Variants in WDR62 observed in about 807,000 individuals in gnomAD.
WDR62 encodes WD repeat-containing protein 62.
In WDR62, 112 loss-of-function variants were observed where a neutral mutation model predicts 160.6. The ratio of observed to expected loss-of-function variants is 0.70; its 90% CI spans 0.60 to 0.82. The LOEUF (loss-of-function observed/expected upper bound fraction) is 0.82, where lower values mean the gene tolerates loss of function less well. WDR62 is among the 40% of genes least tolerant of loss of function. The pLI is 0.00. For synonymous variants in WDR62, 792 were observed against 815.1 expected, an observed-to-expected ratio of 0.97 and a Z score of 0.48; for missense variants, 1,819 against 1,983.8, an observed-to-expected ratio of 0.92 and a Z score of 1.58.
At position 36,101,742 on chromosome 19, in the gene WDR62, C is replaced by G. The variant is rs1458480400; in HGVS notation, c.3050C>G (p.Pro1017Arg). Residue 1017 changes from proline to arginine, a missense_variant, in exon 25 of 32, where the codon CCT becomes CGT. Pro to Arg is a moderately radical substitution (Grantham distance 103). Around this residue, in one of 3 missense-constraint regions of WDR62, gnomAD observed 770 missense variants for 734.2 expected, o/e 1.05. Transcript: ENST00000401500. ...CCAGCTCCGCCTCCTGACCCTGCCC[C>G]TCGGTTTGCCACGTCGCTGCCCCAT... Reference protein sequence around the residue: ...HSPAPPPDPAPRFATSLPHFP... With the variant: ...HSPAPPPDPARRFATSLPHFP... 10 of 1,552,010 alleles carry G rather than the reference C, an allele frequency of 6.4e-6. No homozygotes were observed. Among genetic ancestry groups the G allele is most frequent in the Middle Eastern group, 1.7e-4 (1 of 5,980 alleles).
chr19:36,102,168 C>T lies in WDR62; in HGVS notation c.3220+17C>T, dbSNP rs942313436. On this transcript the variant is annotated intron_variant, in intron 26 of 31. Coordinates refer to ENST00000401500, the MANE Select transcript of WDR62 (RefSeq NM_001083961.2). ...CCTGCAGAGGTAGGGCCCTGCCTCA[C>T]CCACACCTGCCGAGGCCGTCTGTGC... 2.9e-5 allele frequency: 46 copies of T among 1,613,542 alleles called. No homozygotes were observed. The highest frequency in any genetic ancestry group is 3.6e-5 in the Non-Finnish European group (43 of 1,180,024).
chr19:36,081,755 C>G, intron 10 of WDR62, 185 bp downstream of exon 10: 2 of 764,214 alleles, frequency 2.6e-6, no homozygotes, highest in Non-Finnish European at 4.5e-6. Context: ...TGCCCCCTCT[C>G]TGAGGTGGCA....
chr19:36,083,185 G>A lies in WDR62; in HGVS notation c.1494G>A (p.Met498Ile). The A allele has an allele frequency of 6.2e-7, 1 of 1,611,716 alleles. No individual in the cohort carries two copies. The highest frequency in any genetic ancestry group is 8.5e-7 in the Non-Finnish European group (1 of 1,178,842). ...ACGTGAAAGCCGGGGTGCGGGTCAT[G>A]CAGGTCAGTCCTGACGGCCAGCATT... Reference protein sequence around the residue: ...PMDVKAGVRVMQVSPDGQHLA... With the variant: ...PMDVKAGVRVIQVSPDGQHLA... The change falls in exon 11 of 32, where the codon ATG (methionine) becomes ATA (isoleucine). Residue 498 changes from methionine (M) to isoleucine (I), a missense_variant. Met to Ile is a conservative substitution (Grantham distance 10). Coordinates refer to ENST00000401500, the MANE Select transcript of WDR62 (RefSeq NM_001083961.2).
intron 18 of WDR62, among the ~76,000 whole-genome samples, chr19:36,091,877 G>A (rs529170327): frequency 2.3e-3 from 335 of 147,994 alleles, no homozygotes; most frequent in Non-Finnish European, 3.9e-3. Context: ...GCAAGACCCC[G>A]TCTCAAAAAA....
At chr19:36,059,492 G>A (rs1310310346) in intron 2 of WDR62, among the ~76,000 whole-genome samples, 2 of 152,102 alleles carry the variant, frequency 1.3e-5, no homozygotes, top group African/African-American at 4.8e-5. Flanking sequence ...AGGCTAGAAT[G>A]CAATAGTGTG....
At chr19:36,106,617 G>A (rs752963859), downstream of WDR62, among the ~76,000 whole-genome samples, 21 of 152,182 alleles carry the variant, frequency 1.4e-4, no homozygotes, top group African/African-American at 4.3e-4. Context: ...CATCCAGGCC[G>A]ACAGCACAGC....
At position 36,092,520 on chromosome 19, in the gene WDR62, GA is replaced by G. The variant is rs59690923; in HGVS notation, c.2211-168del. Among the ~76,000 whole-genome samples, 20,989 of 152,096 alleles carry G rather than the reference GA, an allele frequency of 0.14. 1,781 individuals are homozygous for G. The highest frequency in any genetic ancestry group is 0.24 in the Middle Eastern group (71 of 292). On this transcript the variant is annotated intron_variant, in intron 18 of 31. Coordinates refer to ENST00000401500, the MANE Select transcript of WDR62 (RefSeq NM_001083961.2). ...GCCCCAGACCTGGGCCCAGGGTGTG[GA>G]TGTGGCAAGTCCAGCACCCCTGCAC... is the stretch of plus-strand genomic sequence containing the variant.
At chr19:36,076,827 C>G (rs574712294) in intron 9 of WDR62, among the ~76,000 whole-genome samples, 2 of 152,198 alleles carry the variant, frequency 1.3e-5, no homozygotes, top group Non-Finnish European at 2.9e-5. Context: ...TGCATATGTT[C>G]TCTCTGTTCT....
intron 23 of WDR62, among the ~76,000 whole-genome samples, 161 bp downstream of exon 23, chr19:36,101,036 G>GT (rs1422435974): frequency 6.6e-6 from 1 of 152,196 alleles, no homozygotes; most frequent in Non-Finnish European, 1.5e-5. Flanking sequence ...CTGGTTCCAG[G>GT]TGGGGTACAG....
At position 36,091,485 on chromosome 19, in the gene WDR62, G is replaced by GAC; in HGVS notation, c.2210+21_2210+22insCA. On this transcript the variant is annotated intron_variant, in intron 18 of 31. Transcript: ENST00000401500. The stretch of plus-strand genomic sequence containing the variant: ...AGACAGGTGGGACATGGACCTTTGG[G>GAC]AGAGTTGTGGCTCAGATACCATGAG... The GAC allele has an allele frequency of 7.4e-6, 12 of 1,612,924 alleles. No individual in the cohort carries two copies. The highest frequency in any genetic ancestry group is 1.0e-5 in the Non-Finnish European group (12 of 1,179,032).
chr19:36,083,322 C>T (rs936697131), intron 11 of WDR62, 81 bp downstream of exon 11: 28 of 1,377,602 alleles, frequency 2.0e-5, no homozygotes, highest in Non-Finnish European at 2.6e-5. Context: ...AAGCCCTGGC[C>T]TTGGCACCTC....
chr19:36,083,281 CTCCAGCTCAGG>C lies in WDR62; in HGVS notation c.1550+42_1550+52del, dbSNP rs778463989. 15 of 1,559,654 alleles carry C rather than the reference CTCCAGCTCAGG, an allele frequency of 9.6e-6. No homozygotes were observed. In the African/African-American group the frequency reaches 2.0e-4, roughly 21 times the overall value. On this transcript the variant is annotated intron_variant, in intron 11 of 31. Transcript: ENST00000401500. The stretch of plus-strand genomic sequence containing the variant: ...GCAGTGTCCAGTGTACACCTCCCAG[CTCCAGCTCAGG>C]TTCTCAGGGCAGTGGGCAGAAGCCC...
downstream of WDR62, among the ~76,000 whole-genome samples, chr19:36,107,230 C>T (rs1973732783): frequency 6.6e-6 from 1 of 152,186 alleles, no homozygotes; most frequent in East Asian, 1.9e-4. Flanking sequence ...AGCTTATGGC[C>T]TCATGGTTGC....
At chr19:36,076,227 A>G (rs889536983) in intron 9 of WDR62, among the ~76,000 whole-genome samples, 2 of 151,412 alleles carry the variant, frequency 1.3e-5, no homozygotes, top group Non-Finnish European at 2.9e-5. Context: ...ATTTCCTGTC[A>G]CACATCAGGA....
In WDR62 at chr19:36,099,407, C is replaced by T. The variant is rs144697999; in HGVS notation, c.2529C>T (p.Asp843=). The T allele has an allele frequency of 6.3e-4, 1,012 of 1,613,460 alleles. 3 individuals carry two copies. The Middle Eastern group carries it at 8.3e-3, about 13-fold the overall frequency. The change falls in exon 22 of 32, where the codon GAC becomes GAT. Residue 843 remains aspartate (D), a synonymous_variant. Coordinates refer to ENST00000401500, the MANE Select transcript of WDR62 (RefSeq NM_001083961.2). ...GTCCGATATCCTTCAAGCTAGGGGA[C>T]GATGATGTGGCAGATGGCTTGGCCT... is the stretch of plus-strand genomic sequence containing the variant. ...LPLWAKRLLG[D]DDVADGLAFH...
Position 36,104,577 on chromosome 19 carries a change from G to A in WDR62, c.4213G>A (p.Glu1405Lys), listed in dbSNP as rs1422383919. 2 of 1,614,046 alleles carry A rather than the reference G, an allele frequency of 1.2e-6. No individual in the cohort carries two copies. Among genetic ancestry groups the A allele is most frequent in the Non-Finnish European group, 1.7e-6 (2 of 1,180,034 alleles). ...ARWSEPWVPVEALPPSPLELS... is the reference protein window; with the variant it reads ...ARWSEPWVPVKALPPSPLELS... ...CTGGAGTGAGCCCTGGGTGCCGGTTGAAGCCCTGCCCCCATCTCCCCTTGA... is the reference window on the plus strand; with the variant it reads ...CTGGAGTGAGCCCTGGGTGCCGGTTAAAGCCCTGCCCCCATCTCCCCTTGA... The change falls in exon 31 of 32, where the codon GAA (glutamate) becomes AAA (lysine). Residue 1405 changes from glutamate (E) to lysine (K), a missense_variant. By Grantham distance (56) the Glu-to-Lys change is moderately conservative. Around this residue, in one of 3 missense-constraint regions of WDR62, gnomAD observed 770 missense variants for 734.2 expected, o/e 1.05. Transcript: ENST00000401500.
chr19:36,067,582 T>A, intron 6 of WDR62, 139 bp downstream of exon 6: 1 of 1,319,794 alleles, frequency 7.6e-7, no homozygotes, highest in Admixed American at 1.8e-5. Context: ...CTGCTGCTTC[T>A]GGGCCTACTC....
chr19:36,085,526 T>C (rs936206370), intron 12 of WDR62, among the ~76,000 whole-genome samples: 1 of 149,384 alleles, frequency 6.7e-6, no homozygotes, highest in African/African-American at 2.5e-5. Context: ...GTTGAAGCGA[T>C]TCCCCTGCGT....
chr19:36,065,832 A>G, intron 3 of WDR62, 126 bp from the exon 4 acceptor site: 3 of 912,982 alleles, frequency 3.3e-6, no homozygotes. Flanking sequence ...GCTTGAGCTC[A>G]CCTCTGCTGG....
Sources: allele counts gnomAD v4.1 joint callset (sites outside exome capture counted in the v4.1 genomes callset), GRCh38; gene constraint gnomAD v4.1.1; regional missense constraint gnomAD v4.1.1; transcripts MANE v1.5; gene names NCBI Gene and HGNC (gene_info 2026-07-23, HGNC 2026-07-21).